The following LARGE1 variants were observed in gnomAD, a reference collection of about 807,000 sequenced individuals.
LARGE1 encodes the protein xylosyl- and glucuronyltransferase LARGE1.
In LARGE1, 43 loss-of-function variants were observed where a neutral mutation model predicts 87.6. The ratio of observed to expected loss-of-function variants is 0.49; its 90% CI spans 0.38 to 0.63. LARGE1 has a LOEUF of 0.63. Ranked by LOEUF, LARGE1 falls within the 30% of genes least tolerant of loss-of-function variation. The pLI, the probability that LARGE1 is intolerant of heterozygous loss-of-function variation, is 0.00. For missense variants in LARGE1, 802 were observed against 1,000.2 expected (o/e 0.80, Z 2.67); for synonymous variants, 434 against 394.6 (o/e 1.10, Z -1.18).
At chr22:33,596,355 T>C (rs1007652728) in intron 5 of LARGE1, among the ~76,000 whole-genome samples, 7 of 152,232 alleles carry the variant, frequency 4.6e-5, no homozygotes, top group Admixed American at 2.6e-4. Context: ...CTTTTCCATG[T>C]CCATTCTGTG....
chr22:33,456,600 A>C (rs887752337), intron 6 of LARGE1, among the ~76,000 whole-genome samples: 6 of 152,224 alleles, frequency 3.9e-5, no homozygotes, highest in Non-Finnish European at 8.8e-5. Flanking sequence ...TGAATGAAAG[A>C]CATCATAGAA....
chr22:33,552,939 G>A (rs746759871), intron 6 of LARGE1, among the ~76,000 whole-genome samples: 3 of 152,094 alleles, frequency 2.0e-5, no homozygotes, highest in Non-Finnish European at 2.9e-5. Context: ...GCCTGGAAGC[G>A]TGGGGCCTCA....
chr22:33,579,630 C>T (rs543221313), intron 5 of LARGE1, among the ~76,000 whole-genome samples: 3 of 152,278 alleles, frequency 2.0e-5, no homozygotes, highest in South Asian at 4.2e-4. Flanking sequence ...ACTACTGGGC[C>T]TACCCCAGAA....
At chr22:33,475,287 T>C (rs1169402721) in intron 6 of LARGE1, among the ~76,000 whole-genome samples, 1 of 152,150 alleles carries the variant, frequency 6.6e-6, no homozygotes, top group Non-Finnish European at 1.5e-5. Flanking sequence ...ATTGGTCTCC[T>C]TATTTGTTAA....
chr22:33,281,617 T>C (rs1482472855), intron 13 of LARGE1, among the ~76,000 whole-genome samples: 1 of 152,192 alleles, frequency 6.6e-6, no homozygotes, highest in Non-Finnish European at 1.5e-5. Context: ...TCACGGTGCC[T>C]GGCACATGCT....
intron 6 of LARGE1, among the ~76,000 whole-genome samples, chr22:33,447,956 T>C (rs1166495942): frequency 2.6e-5 from 4 of 152,146 alleles, no homozygotes; most frequent in African/African-American, 4.8e-5. Flanking sequence ...GGAAACCTTA[T>C]GTCAAGGGAA....
intron 1 of LARGE1, among the ~76,000 whole-genome samples, chr22:33,901,909 C>T (rs528055680): frequency 3.9e-5 from 6 of 152,278 alleles, no homozygotes; most frequent in South Asian, 2.1e-4. Flanking sequence ...GAAAAGACTA[C>T]AATTTGAAAG....
chr22:33,608,378 C>G (rs768143540), intron 4 of LARGE1, among the ~76,000 whole-genome samples: 3 of 152,136 alleles, frequency 2.0e-5, no homozygotes, highest in Non-Finnish European at 4.4e-5. Context: ...AATTCCTGTT[C>G]ATTCTTCAAA....
intron 6 of LARGE1, among the ~76,000 whole-genome samples, chr22:33,442,236 G>A (rs181041842): frequency 6.2e-4 from 94 of 152,310 alleles, no homozygotes; most frequent in Non-Finnish European, 1.2e-3. Context: ...GCATGATTCA[G>A]CCCTCATCCA....
chr22:33,794,997 G>A (rs1193287333), intron 1 of LARGE1, among the ~76,000 whole-genome samples: 2 of 152,220 alleles, frequency 1.3e-5, no homozygotes, highest in African/African-American at 4.8e-5. Context: ...GAGGATGCTT[G>A]AAGTGAGACT....
At chr22:33,075,900 T>C in the LARGE1 span, among the ~76,000 whole-genome samples, 1 of 152,296 alleles carries the variant, frequency 6.6e-6, no homozygotes, top group African/African-American at 2.4e-5. Flanking sequence ...TAAGACGATG[T>C]CATGCAGATT....
chr22:33,602,555 A>C (rs2267239), intron 5 of LARGE1, among the ~76,000 whole-genome samples: 41,126 of 151,788 alleles, frequency 0.27, 5,739 homozygotes, highest in East Asian at 0.35. Flanking sequence ...TTTTGTAGAG[A>C]CACGCATCTC....
the LARGE1 span, among the ~76,000 whole-genome samples, chr22:33,124,053 T>C: frequency 2.9e-4 from 44 of 152,008 alleles, 2 homozygotes; most frequent in Non-Finnish European, 2.9e-5. Flanking sequence ...TGGGAGGCCA[T>C]AAGGGGGCGG....
intron 6 of LARGE1, among the ~76,000 whole-genome samples, chr22:33,563,478 GAATAA>G (rs2077922972): frequency 6.6e-6 from 1 of 152,138 alleles, no homozygotes; most frequent in Non-Finnish European, 1.5e-5. Flanking sequence ...ATAAGAAAAT[GAATAA>G]AACACCATGT....
intron 11 of LARGE1, among the ~76,000 whole-genome samples, chr22:33,219,024 T>C (rs1053829959): frequency 1.3e-5 from 2 of 152,176 alleles, no homozygotes; most frequent in Admixed American, 1.3e-4. Context: ...CAGAGAACTC[T>C]AAGGAGCCCA....
In LARGE1 at chr22:33,809,761, G is replaced by GT. The variant is rs557350717; in HGVS notation, c.-82-48204dup. Among the ~76,000 whole-genome samples, 278 of 152,034 alleles carry GT rather than the reference G, an allele frequency of 1.8e-3. 1 individual carries two copies. The highest frequency in any genetic ancestry group is 6.3e-3 in the African/African-American group (261 of 41,468). On this transcript the variant is annotated intron_variant, in intron 1 of 14. Transcript: ENST00000397394. ...AAAATAACCAATGAGATATTTTATA[G>GT]TTTTCCATACTAAATATTCAAGATC...
intron 1 of LARGE1, among the ~76,000 whole-genome samples, chr22:33,813,794 C>T (rs1223451168): frequency 2.0e-5 from 3 of 152,122 alleles, no homozygotes; most frequent in East Asian, 1.9e-4. Flanking sequence ...TTGCATTCTA[C>T]GATGCTCCCA....
At chr22:33,672,453 A>G (rs1324670114) in intron 2 of LARGE1, among the ~76,000 whole-genome samples, 1 of 152,144 alleles carries the variant, frequency 6.6e-6, no homozygotes, top group Non-Finnish European at 1.5e-5. Flanking sequence ...GTCTGTGAGA[A>G]AGACTTTCCT....
At chr22:33,069,926 A>G in the LARGE1 span, among the ~76,000 whole-genome samples, 19 of 151,872 alleles carry the variant, frequency 1.3e-4, no homozygotes, top group African/African-American at 4.3e-4. Flanking sequence ...CCAGGTTCAA[A>G]CTATTCACCT....
Sources: gnomAD v4.1 joint callset for allele counts (sites outside exome capture counted in the v4.1 genomes callset) on GRCh38, gnomAD v4.1.1 for gene constraint, MANE v1.5 for transcripts, NCBI Gene and HGNC (gene_info 2026-07-23, HGNC 2026-07-21) for gene names.